Variants in CENPN observed in about 807,000 individuals in gnomAD.
CENPN encodes interphase centromere complex protein 32.
A neutral mutation model predicts 48.6 loss-of-function variants in CENPN; 36 were observed. The ratio of observed to expected loss-of-function variants is 0.74; its 90% CI spans 0.57 to 0.98. The LOEUF is 0.98. Ranked by LOEUF, CENPN falls within the 50% of genes least tolerant of loss-of-function variation. CENPN has a pLI of 0.00. For synonymous variants in CENPN, 166 were observed against 135.2 expected, an observed-to-expected ratio of 1.23 and a Z score of -1.58; for missense variants, 439 against 399.2, an observed-to-expected ratio of 1.10 and a Z score of -0.85.
At chr16:81,012,173 C>T (rs1450497962) in intron 2 of CENPN, 63 bp downstream of exon 2, 1 of 1,409,950 alleles carries the variant, frequency 7.1e-7, no homozygotes, top group African/African-American at 1.4e-5. Context: ...TTTCTTTCTT[C>T]TATTCCTTAC....
intron 10 of CENPN, 52 bp from the exon 11 acceptor site, chr16:81,028,517 C>G: frequency 6.3e-7 from 1 of 1,592,038 alleles, no homozygotes; most frequent in Non-Finnish European, 8.5e-7. Flanking sequence ...AATCCATCCT[C>G]CTGTGATGAC....
At chr16:81,027,462 AAAGT>A (rs1171623549) in intron 9 of CENPN, among the ~76,000 whole-genome samples, 1 of 152,228 alleles carries the variant, frequency 6.6e-6, no homozygotes, top group Non-Finnish European at 1.5e-5. Context: ...CTTGGGCAAC[AAAGT>A]AAGACTCTGT....
Position 81,007,601 on chromosome 16 carries a change from A to G in CENPN, c.-11+324A>G, listed in dbSNP as rs143403756. On this transcript the variant is annotated intron_variant, in intron 1 of 10. Coordinates refer to ENST00000305850, the MANE Select transcript of CENPN (RefSeq NM_001100624.3). The stretch of plus-strand genomic sequence containing the variant: ...CGATCCTGGGGTTGCTTCCTTTCCC[A>G]GAGTTGGGGTTTTGCTTTTCTGTCA... Among the ~76,000 whole-genome samples, 919 of 152,174 alleles carry G rather than the reference A, an allele frequency of 6.0e-3. 20 individuals carry two copies. The highest frequency in any genetic ancestry group is 0.048 in the East Asian group (246 of 5,178).
At chr16:81,017,476 C>G in intron 4 of CENPN, 91 bp downstream of exon 4, 1 of 860,098 alleles carries the variant, frequency 1.2e-6, no homozygotes, top group Non-Finnish European at 1.9e-6. Context: ...CACCACTGCA[C>G]TCCAGCCTGG....
chr16:81,018,248 C>T (rs1047013004), intron 5 of CENPN, among the ~76,000 whole-genome samples: 1 of 151,824 alleles, frequency 6.6e-6, no homozygotes, highest in African/African-American at 2.4e-5. Context: ...GAGATCTCGG[C>T]TCACTGCAAC....
intron 7 of CENPN, 188 bp from the exon 8 acceptor site, chr16:81,024,527 G>A (rs993332424): frequency 3.0e-5 from 14 of 470,198 alleles, no homozygotes; most frequent in Non-Finnish European, 4.2e-5. Context: ...CAGAACAGTC[G>A]AGTTGCAGGC....
intron 7 of CENPN, 77 bp downstream of exon 7, chr16:81,022,775 A>G: frequency 6.2e-7 from 1 of 1,614,118 alleles, no homozygotes; most frequent in South Asian, 1.1e-5. Context: ...CTACTGGGAA[A>G]ATCTACCTCC....
In CENPN at chr16:81,028,241, T is replaced by G. The variant is rs757211565; in HGVS notation, c.881T>G (p.Leu294Arg). The change falls in exon 10 of 11, where the codon CTA becomes CGA. Residue 294 changes from leucine (L) to arginine (R), a missense_variant. Leu to Arg is a moderately radical substitution (Grantham distance 102). Transcript: ENST00000305850. ...LAEREEPLRCLIKFSSPHLLE... is the reference protein window; with the variant it reads ...LAEREEPLRCRIKFSSPHLLE... ...GAGAGGGAAGAACCCCTCCGATGCC[T>G]AATAAAGTTCTCTAGCCCACATCTT... 6.2e-7 allele frequency: 1 copy of G among 1,613,868 alleles called. No individual in the cohort carries two copies. Among genetic ancestry groups the G allele is most frequent in the Non-Finnish European group, 8.5e-7 (1 of 1,179,734 alleles).
chr16:81,021,950 G>T (rs1317491585), intron 6 of CENPN, among the ~76,000 whole-genome samples: 1 of 152,030 alleles, frequency 6.6e-6, no homozygotes, highest in Non-Finnish European at 1.5e-5. Flanking sequence ...GTGGAGGTGG[G>T]GTTTCACCAT....
intron 10 of CENPN, 53 bp downstream of exon 10, chr16:81,028,350 T>G: frequency 6.3e-7 from 1 of 1,597,576 alleles, no homozygotes; most frequent in Non-Finnish European, 8.6e-7. Flanking sequence ...ATGCCTCCAT[T>G]CCATCCTTAT....
At chr16:81,010,564 C>T (rs1379312689) in intron 1 of CENPN, among the ~76,000 whole-genome samples, 1 of 152,168 alleles carries the variant, frequency 6.6e-6, no homozygotes, top group Non-Finnish European at 1.5e-5. Context: ...GACTAAGAGA[C>T]AGCAATCCAC....
chr16:81,026,744 T>C, intron 9 of CENPN, 106 bp downstream of exon 9: 1 of 509,558 alleles, frequency 2.0e-6, no homozygotes, highest in Non-Finnish European at 3.6e-6. Context: ...TTTTCACTTG[T>C]CACTTAAATT....
At position 81,014,766 on chromosome 16, in the gene CENPN, G is replaced by GGCTTTGTATTA. The variant is rs142925745; in HGVS notation, c.217+586_217+596dup. ...CATCAGAAACACAAAGTAAATGTTT[G>GGCTTTGTATTA]GCTTTGTATTACTCAGGTTGCCAAC... On this transcript the variant is annotated intron_variant, in intron 3 of 10. Coordinates refer to ENST00000305850, the MANE Select transcript of CENPN (RefSeq NM_001100624.3). Among the ~76,000 whole-genome samples the GGCTTTGTATTA allele has an allele frequency of 1.3e-3, 203 of 152,246 alleles. 3 individuals carry two copies. In the East Asian group the frequency reaches 0.023, roughly 17 times the overall value.
intron 2 of CENPN, among the ~76,000 whole-genome samples, chr16:81,013,009 T>G (rs1409409895): frequency 2.0e-5 from 3 of 152,248 alleles, no homozygotes; most frequent in Non-Finnish European, 4.4e-5. Flanking sequence ...AATATTTAGT[T>G]ATATAAATGA....
intron 5 of CENPN, 78 bp from the exon 6 acceptor site, chr16:81,020,022 C>A: frequency 7.6e-7 from 1 of 1,318,110 alleles, no homozygotes; most frequent in South Asian, 1.4e-5. Flanking sequence ...ATTGTTCACC[C>A]CTAATAAGCA....
At chr16:81,010,860 G>A (rs1449796919) in intron 1 of CENPN, among the ~76,000 whole-genome samples, 1 of 152,128 alleles carries the variant, frequency 6.6e-6, no homozygotes, top group East Asian at 1.9e-4. Context: ...TCTTAAAAGT[G>A]TATCCAGAAC....
chr16:81,026,427 A>G, intron 8 of CENPN, 99 bp from the exon 9 acceptor site: 1 of 510,124 alleles, frequency 2.0e-6, no homozygotes, highest in Non-Finnish European at 3.5e-6. Flanking sequence ...TTATTTTAAA[A>G]TTATACAAAC....
chr16:81,021,148 C>G (rs1970174410), intron 6 of CENPN, among the ~76,000 whole-genome samples: 1 of 151,920 alleles, frequency 6.6e-6, no homozygotes, highest in South Asian at 2.1e-4. Context: ...GAATATACCT[C>G]ATTACTTTTT....
chr16:81,014,104 A>G (rs760277594), intron 2 of CENPN, 32 bp from the exon 3 acceptor site: 2 of 1,594,018 alleles, frequency 1.3e-6, no homozygotes. Flanking sequence ...ACCTATAACC[A>G]CAGTTACTAA....
Sources: gnomAD v4.1 joint callset for allele counts (sites outside exome capture counted in the v4.1 genomes callset) on GRCh38, gnomAD v4.1.1 for gene constraint, MANE v1.5 for transcripts, NCBI Gene and HGNC (gene_info 2026-07-23, HGNC 2026-07-21) for gene names.